Variants in MYLK4 observed in about 807,000 individuals in gnomAD.
The protein encoded by MYLK4 is myosin light chain kinase family member 4.
MYLK4 carries 46 observed loss-of-function variants against 48.1 expected under a neutral mutation model. The ratio of observed to expected loss-of-function variants is 0.96; its 90% CI spans 0.75 to 1.22. The LOEUF is 1.22. Among genes scored for constraint, MYLK4 ranks in the 50% most tolerant of loss-of-function variants. MYLK4 has a pLI of 0.00. For missense variants in MYLK4, 451 were observed against 486.1 expected (o/e 0.93, Z 0.68); for synonymous variants, 170 against 180.8 (o/e 0.94, Z 0.48).
rs1182056838 is a variant in MYLK4, at chr6:2,694,498, T to TGGTGGC, written c.160-1640_160-1639insGCCACC. Reference sequence around the variant, plus strand: ...ATGATGATGGTAGTGGTCATGGTGGTGGTGGTGGTGGTGGCGGTGGTGGTG... The same window carrying TGGTGGC: ...ATGATGATGGTAGTGGTCATGGTGGTGGTGGCGGTGGTGGTGGTGGCGGTGGTGGTG... On this transcript the variant is annotated intron_variant, in intron 2 of 12. Transcript: ENST00000274643. Among the ~76,000 whole-genome samples, 55 of 47,120 alleles carry TGGTGGC rather than the reference T, an allele frequency of 1.2e-3. 3 individuals are homozygous for TGGTGGC. Among genetic ancestry groups the TGGTGGC allele is most frequent in the Non-Finnish European group, 1.7e-3 (37 of 22,410 alleles). The allele number at this position is 47,120 out of a possible 152,430, so 30.9% of individuals were successfully genotyped here.
chr6:2,766,211 G>A, the MYLK4 span: 3 of 1,464,924 alleles, frequency 2.0e-6, no homozygotes, highest in Non-Finnish European at 1.8e-6. Flanking sequence ...TGCCGAAGCC[G>A]CCACCGCCTT....
intron 2 of MYLK4, among the ~76,000 whole-genome samples, chr6:2,734,096 C>T (rs991546784): frequency 6.6e-6 from 1 of 152,124 alleles, no homozygotes; most frequent in Non-Finnish European, 1.5e-5. Flanking sequence ...ATGCTAAAAC[C>T]AGCGACAGTA....
chr6:2,725,694 T>A (rs1763249148), intron 2 of MYLK4, among the ~76,000 whole-genome samples: 1 of 152,298 alleles, frequency 6.6e-6, no homozygotes, highest in East Asian at 1.9e-4. Flanking sequence ...GAATATCCTG[T>A]AGATAAGTAG....
At chr6:2,690,909 A>G (rs961035340) in intron 3 of MYLK4, among the ~76,000 whole-genome samples, 2 of 140,890 alleles carry the variant, frequency 1.4e-5, no homozygotes, top group Non-Finnish European at 3.0e-5. Flanking sequence ...GGCTCACTGC[A>G]AGCTCCGCCT....
intron 2 of MYLK4, among the ~76,000 whole-genome samples, chr6:2,736,194 TA>T (rs1231213966): frequency 1.3e-5 from 2 of 152,244 alleles, no homozygotes; most frequent in East Asian, 1.9e-4. Flanking sequence ...GTTACAGATA[TA>T]AGTTAACATT....
intron 2 of MYLK4, among the ~76,000 whole-genome samples, chr6:2,695,927 C>T (rs1050510251): frequency 6.6e-6 from 1 of 152,212 alleles, no homozygotes; most frequent in Non-Finnish European, 1.5e-5. Context: ...AAGTTTCTGA[C>T]CCAATCCTGA....
At chr6:2,734,086 A>T (rs1003495621) in intron 2 of MYLK4, among the ~76,000 whole-genome samples, 1 of 152,188 alleles carries the variant, frequency 6.6e-6, no homozygotes, top group African/African-American at 2.4e-5. Context: ...GCCAAAAAAC[A>T]TGCTAAAACC....
chr6:2,677,692 T>C (rs1030670479), intron 10 of MYLK4, among the ~76,000 whole-genome samples: 1 of 152,204 alleles, frequency 6.6e-6, no homozygotes, highest in Admixed American at 6.5e-5. Context: ...AACTATCTGT[T>C]TGAGCCTCTG....
At chr6:2,723,439 G>A (rs1445999656) in intron 2 of MYLK4, among the ~76,000 whole-genome samples, 1 of 152,248 alleles carries the variant, frequency 6.6e-6, no homozygotes, top group Non-Finnish European at 1.5e-5. Flanking sequence ...CAAATTTGCT[G>A]AAGCAATTGA....
At chr6:2,698,864 T>C (rs1762168013) in intron 2 of MYLK4, among the ~76,000 whole-genome samples, 1 of 152,210 alleles carries the variant, frequency 6.6e-6, no homozygotes, top group African/African-American at 2.4e-5. Flanking sequence ...GAATTCTCAC[T>C]AAGCAAAGCC....
chr6:2,702,186 C>T (rs1762312283), intron 2 of MYLK4, among the ~76,000 whole-genome samples: 1 of 152,150 alleles, frequency 6.6e-6, no homozygotes, highest in African/African-American at 2.4e-5. Flanking sequence ...TATCATGTGC[C>T]TGGAACTTTC....
rs1320842446 is a variant in MYLK4 at position 2,672,068 on chromosome 6, T to A, written c.1120-720A>T. Among the ~76,000 whole-genome samples, 2 of 152,148 alleles carry A rather than the reference T, an allele frequency of 1.3e-5. No homozygotes were observed. Among genetic ancestry groups the A allele is most frequent in the Non-Finnish European group, 2.9e-5 (2 of 68,034 alleles). On this transcript the variant is annotated intron_variant, in intron 11 of 12. Transcript: ENST00000274643. This position sits in a 1 kb window ranked among gnomAD's most constrained non-coding sequence, Gnocchi z 4.3. ...GGGAAGAGGGTGAGTAGAGGTTGGA[T>A]ATCAGCTCATGGGTTGTTTTATTAG...
At chr6:2,763,386 AAGC>A in the MYLK4 span, among the ~76,000 whole-genome samples, 1 of 152,198 alleles carries the variant, frequency 6.6e-6, no homozygotes, top group African/African-American at 2.4e-5. Flanking sequence ...GTGAGGCAGT[AAGC>A]AGCGCTTCTC....
chr6:2,708,636 G>T (rs957483432), intron 2 of MYLK4, among the ~76,000 whole-genome samples: 2 of 152,132 alleles, frequency 1.3e-5, no homozygotes, highest in Non-Finnish European at 2.9e-5. Flanking sequence ...TGTTGTTTTG[G>T]TTACACCCAG....
the MYLK4 span, among the ~76,000 whole-genome samples, chr6:2,763,864 C>T: frequency 6.6e-6 from 1 of 151,626 alleles, no homozygotes; most frequent in East Asian, 1.9e-4. Context: ...AAAAAGCTCA[C>T]GGTCGGGCGC....
At chr6:2,769,987 A>G in the MYLK4 span, 5 of 1,307,890 alleles carry the variant, frequency 3.8e-6, no homozygotes, top group Non-Finnish European at 5.3e-6. Flanking sequence ...TTCAGTGAAT[A>G]TAAGGCTGCT....
At chr6:2,694,288 G>T (rs934831978) in intron 2 of MYLK4, among the ~76,000 whole-genome samples, 8 of 151,806 alleles carry the variant, frequency 5.3e-5, no homozygotes, top group African/African-American at 1.9e-4. Flanking sequence ...AAAGCTGATT[G>T]CTCCCTCCTC....
the MYLK4 span, chr6:2,766,006 G>A: frequency 5.6e-5 from 76 of 1,356,188 alleles, no homozygotes; most frequent in Non-Finnish European, 7.1e-5. Flanking sequence ...ACTTCCCGGT[G>A]GCCCGCTCCA....
intron 2 of MYLK4, among the ~76,000 whole-genome samples, chr6:2,735,720 C>T (rs533949140): frequency 1.3e-5 from 2 of 151,960 alleles, no homozygotes; most frequent in African/African-American, 4.8e-5. Context: ...CGTATGTAGT[C>T]GATGCAAACT....
Sources: allele counts gnomAD v4.1 joint callset (sites outside exome capture counted in the v4.1 genomes callset), GRCh38; gene constraint gnomAD v4.1.1; non-coding constraint Gnocchi (gnomAD v3.1); transcripts MANE v1.5; gene names NCBI Gene and HGNC (gene_info 2026-07-23, HGNC 2026-07-21).